The following BANK1 variants were observed in gnomAD, a reference collection of about 807,000 sequenced individuals.
The protein encoded by BANK1 is B cell scaffold protein with ankyrin repeats 1, also known as B-cell scaffold protein with ankyrin repeats.
A neutral mutation model predicts 94.5 loss-of-function variants in BANK1; 95 were observed. The observed-to-expected ratio is 1.00, with a 90% CI of 0.85 to 1.19. The LOEUF is 1.19. BANK1 is among the 50% of genes most tolerant of loss of function. BANK1 has a pLI of 0.00. For missense variants in BANK1, 987 were observed against 932.2 expected (o/e 1.06, Z -0.77); for synonymous variants, 334 against 308.4 (o/e 1.08, Z -0.87).
chr4:101,873,817 T>A (rs2148882439), intron 5 of BANK1, among the ~76,000 whole-genome samples: 1 of 152,264 alleles, frequency 6.6e-6, no homozygotes, highest in Middle Eastern at 3.4e-3. Flanking sequence ...AGAATTGAAG[T>A]GCTAGTGTTA....
chr4:101,830,029 T>C lies in BANK1; in HGVS notation c.292T>C (p.Cys98Arg), dbSNP rs1560591484. ...GCTTAGAGACCTAACTCCAAAGAAA[T>C]GTCAGTTTCTGGAAAAGATACTTCA... ...SLLRDLTPKKCQFLEKILHSP... is the reference protein window; with the variant it reads ...SLLRDLTPKKRQFLEKILHSP... Residue 98 changes from cysteine (C) to arginine (R), a missense_variant, in exon 2 of 17, where the codon TGT becomes CGT. Transcript: ENST00000322953. 1 of 1,613,706 alleles carries C rather than the reference T, an allele frequency of 6.2e-7. No individual in the cohort carries two copies. The highest frequency in any genetic ancestry group is 1.7e-5 in the Admixed American group (1 of 59,954).
rs995446184 is a variant in BANK1 at position 102,011,448 on chromosome 4, C to T, written c.1207-10066C>T. ...CAAGGAGGTATGCAATTCTCAGGGG[C>T]AGAATGAAGTCAGATGAGGCTCATT... On this transcript the variant is annotated intron_variant, in intron 7 of 16. Coordinates refer to ENST00000322953, the MANE Select transcript of BANK1 (RefSeq NM_017935.5). Among the ~76,000 whole-genome samples the T allele has an allele frequency of 2.6e-5, 4 of 152,094 alleles. 1 individual carries two copies. Among genetic ancestry groups the T allele is most frequent in the Admixed American group, 1.3e-4 (2 of 15,264 alleles).
intron 7 of BANK1, among the ~76,000 whole-genome samples, chr4:101,997,466 C>T (rs1172024167): frequency 1.3e-5 from 2 of 152,186 alleles, no homozygotes; most frequent in East Asian, 3.9e-4. Context: ...GGGAGGACTC[C>T]CTCTTTTTCT....
intron 1 of BANK1, among the ~76,000 whole-genome samples, chr4:101,824,468 G>A (rs1207923598): frequency 6.6e-6 from 1 of 152,150 alleles, no homozygotes. Context: ...TATGAGTTAT[G>A]ATGTTTCACT....
intron 2 of BANK1, among the ~76,000 whole-genome samples, chr4:101,836,041 G>T (rs1174641251): frequency 6.6e-6 from 1 of 151,794 alleles, no homozygotes; most frequent in African/African-American, 2.4e-5. Context: ...TATCGTTTCT[G>T]CTTGAAAAAT....
intron 7 of BANK1, among the ~76,000 whole-genome samples, chr4:102,015,822 T>C (rs1726679811): frequency 6.6e-6 from 1 of 152,182 alleles, no homozygotes. Flanking sequence ...GCTTTGACTA[T>C]CAATATAGCC....
chr4:101,911,115 A>G (rs918466319), intron 6 of BANK1, among the ~76,000 whole-genome samples: 1 of 152,218 alleles, frequency 6.6e-6, no homozygotes, highest in Non-Finnish European at 1.5e-5. Flanking sequence ...GAAGTTGCAT[A>G]CTTTGCCCAG....
intron 1 of BANK1, among the ~76,000 whole-genome samples, chr4:101,808,644 A>T (rs1327793801): frequency 6.6e-6 from 1 of 152,120 alleles, no homozygotes; most frequent in East Asian, 1.9e-4. Context: ...ATGCACAAGG[A>T]ACTCAAATCA....
At chr4:101,990,801 T>C (rs1400583623) in intron 7 of BANK1, among the ~76,000 whole-genome samples, 2 of 152,194 alleles carry the variant, frequency 1.3e-5, no homozygotes, top group Admixed American at 1.3e-4. Context: ...GCAGAAAATT[T>C]AGGCAAATTA....
chr4:102,000,302 G>T (rs560756142), intron 7 of BANK1, among the ~76,000 whole-genome samples: 1 of 143,786 alleles, frequency 7.0e-6, no homozygotes, highest in South Asian at 2.3e-4. Context: ...TAGCCTGGGT[G>T]GCAGAGCGAA....
intron 3 of BANK1, among the ~76,000 whole-genome samples, chr4:101,855,906 T>A (rs1173911006): frequency 1.3e-5 from 2 of 152,202 alleles, no homozygotes; most frequent in African/African-American, 4.8e-5. Flanking sequence ...TAGCATGTCT[T>A]CCTCCTAAAT....
rs1471552430 is a variant in BANK1 at position 102,029,949 on chromosome 4, T to G, written c.1595-11T>G. On this transcript the variant is annotated splice_polypyrimidine_tract_variant and intron_variant, in intron 9 of 16. Coordinates refer to ENST00000322953, the MANE Select transcript of BANK1 (RefSeq NM_017935.5). Reference sequence around the variant, plus strand: ...AGAAGAGTAAACACCATGTAAATATTTCATAAACAGGGACAATGGTGGAAG... The same window carrying G: ...AGAAGAGTAAACACCATGTAAATATGTCATAAACAGGGACAATGGTGGAAG... 6.9e-6 allele frequency: 11 copies of G among 1,585,466 alleles called. No homozygotes were observed. In the South Asian group the frequency reaches 1.3e-4, roughly 19 times the overall value.
chr4:101,868,645 T>C (rs1178445322), intron 4 of BANK1, among the ~76,000 whole-genome samples: 2 of 151,978 alleles, frequency 1.3e-5, no homozygotes, highest in Non-Finnish European at 2.9e-5. Context: ...TTTTACTCTC[T>C]TCTATTTGAG....
At chr4:101,818,719 C>T (rs1431871551) in intron 1 of BANK1, among the ~76,000 whole-genome samples, 2 of 152,066 alleles carry the variant, frequency 1.3e-5, no homozygotes, top group Middle Eastern at 3.4e-3. Context: ...TTGCTATGCT[C>T]CTACCGTGCC....
intron 7 of BANK1, among the ~76,000 whole-genome samples, 190 bp from the exon 8 acceptor site, chr4:102,021,324 A>C (rs2148946646): frequency 6.6e-6 from 1 of 152,164 alleles, no homozygotes; most frequent in Non-Finnish European, 1.5e-5. Flanking sequence ...GTTTATTATA[A>C]ATGTACTATT....
intron 2 of BANK1, among the ~76,000 whole-genome samples, chr4:101,845,798 A>T (rs1455308349): frequency 6.6e-6 from 1 of 152,250 alleles, no homozygotes; most frequent in Non-Finnish European, 1.5e-5. Context: ...GTATAATCTT[A>T]TGCTATGGTA....
chr4:101,865,035 T>C (rs1425243313), intron 4 of BANK1, among the ~76,000 whole-genome samples: 1 of 152,082 alleles, frequency 6.6e-6, no homozygotes, highest in Non-Finnish European at 1.5e-5. Flanking sequence ...TTCTATGACT[T>C]GATCAGGGGC....
chr4:102,070,764 CG>C (rs1728730760), intron 13 of BANK1, among the ~76,000 whole-genome samples: 1 of 152,078 alleles, frequency 6.6e-6, no homozygotes, highest in Non-Finnish European at 1.5e-5. Flanking sequence ...AAAATCAGAT[CG>C]GGGGTGCCAT....
At chr4:101,932,885 A>G (rs1199540379) in intron 7 of BANK1, among the ~76,000 whole-genome samples, 1 of 151,552 alleles carries the variant, frequency 6.6e-6, no homozygotes, top group Non-Finnish European at 1.5e-5. Flanking sequence ...TCTTTAGTGT[A>G]TAGCTCTGTA....
Sources: allele counts gnomAD v4.1 joint callset (sites outside exome capture counted in the v4.1 genomes callset), GRCh38; gene constraint gnomAD v4.1.1; transcripts MANE v1.5; gene names NCBI Gene and HGNC (gene_info 2026-07-23, HGNC 2026-07-21).